Variants in ZSWIM5 observed in about 807,000 individuals in gnomAD.
ZSWIM5 encodes the protein zinc finger SWIM-type containing 5.
ZSWIM5 carries 55 observed loss-of-function variants against 119.6 expected under a neutral mutation model. The observed-to-expected ratio is 0.46, with a 90% CI of 0.37 to 0.58. The LOEUF is 0.58. Among genes scored for constraint, ZSWIM5 ranks in the 20% least tolerant of loss-of-function variants. The pLI, the probability that ZSWIM5 is intolerant of heterozygous loss-of-function variation, is 0.00. For missense variants in ZSWIM5, 1,193 were observed against 1,512.8 expected (o/e 0.79, Z 3.51); for synonymous variants, 537 against 606.9 (o/e 0.88, Z 1.69).
intron 1 of ZSWIM5, among the ~76,000 whole-genome samples, chr1:45,127,442 CTT>C (rs569318285): frequency 7.0e-5 from 10 of 142,554 alleles, no homozygotes; most frequent in African/African-American, 1.0e-4. Flanking sequence ...TCTGCTCTCA[CTT>C]TTTTTTTTTT....
At chr1:45,062,597 C>A (rs1479264479) in intron 2 of ZSWIM5, among the ~76,000 whole-genome samples, 1 of 152,072 alleles carries the variant, frequency 6.6e-6, no homozygotes, top group African/African-American at 2.4e-5. Flanking sequence ...ACCTCCTGCG[C>A]TCAAGTGATC....
chr1:45,058,207 G>C (rs779408737), intron 4 of ZSWIM5, among the ~76,000 whole-genome samples: 2 of 152,096 alleles, frequency 1.3e-5, no homozygotes, highest in African/African-American at 2.4e-5. Flanking sequence ...AGAATAGAAG[G>C]TTAAGTCCAA....
At chr1:45,169,768 C>T (rs1425184118) in intron 1 of ZSWIM5, among the ~76,000 whole-genome samples, 2 of 152,006 alleles carry the variant, frequency 1.3e-5, no homozygotes, top group African/African-American at 4.8e-5. Context: ...AATAAGAAAA[C>T]TTCTATTGTA....
chr1:45,142,414 C>A (rs1645732665), intron 1 of ZSWIM5, among the ~76,000 whole-genome samples: 1 of 152,118 alleles, frequency 6.6e-6, no homozygotes, highest in African/African-American at 2.4e-5. Context: ...TACAGTGGCA[C>A]AATCATGGCT....
At chr1:45,058,514 G>C in intron 4 of ZSWIM5, 95 bp downstream of exon 4, 1 of 1,498,076 alleles carries the variant, frequency 6.7e-7, no homozygotes, top group Non-Finnish European at 9.1e-7. Context: ...GACTTAGCAA[G>C]ATCCATGCAA....
chr1:45,026,522 G>C (rs985984563), intron 11 of ZSWIM5, among the ~76,000 whole-genome samples: 4 of 151,996 alleles, frequency 2.6e-5, no homozygotes, highest in African/African-American at 9.7e-5. Flanking sequence ...GGAATTAACG[G>C]ATTCCATTCA....
rs540104651 is a variant in ZSWIM5, at chr1:45,178,015, G to A, written c.595+27741C>T. 1.3e-4 allele frequency among the ~76,000 whole-genome samples: 19 copies of A among 151,762 alleles called. 1 individual carries two copies. The highest frequency in any genetic ancestry group is 3.4e-3 in the Middle Eastern group (1 of 292). Reference sequence around the variant, plus strand: ...CTCACAAAGTGCTGGGATTACAGGCGTGAACCACTACACCCGGCCTTATGT... The same window carrying A: ...CTCACAAAGTGCTGGGATTACAGGCATGAACCACTACACCCGGCCTTATGT... On this transcript the variant is annotated intron_variant, in intron 1 of 13. Transcript: ENST00000359600.
intron 8 of ZSWIM5, among the ~76,000 whole-genome samples, chr1:45,037,741 T>C (rs1036259548): frequency 2.6e-5 from 4 of 152,214 alleles, no homozygotes; most frequent in African/African-American, 9.6e-5. Flanking sequence ...ACCCCTTATA[T>C]CTCTACCCAG....
chr1:45,066,454 T>C (rs1181881698), intron 2 of ZSWIM5, among the ~76,000 whole-genome samples: 3 of 152,164 alleles, frequency 2.0e-5, no homozygotes, highest in Non-Finnish European at 2.9e-5. Flanking sequence ...CAAAGAAGGC[T>C]TCTCTGAGAA....
rs954285599 is a variant in ZSWIM5 at position 45,144,260 on chromosome 1, G to A, written c.596-56023C>T. 3.9e-5 allele frequency among the ~76,000 whole-genome samples: 6 copies of A among 152,192 alleles called. No homozygotes were observed. In the East Asian group the frequency reaches 1.2e-3, roughly 29 times the overall value. ...TACTATAAAGCAGCCAGGCATGGTG[G>A]TTCAAGCCTGTAATCCCAGCACTTT... is the stretch of plus-strand genomic sequence containing the variant. On this transcript the variant is annotated intron_variant, in intron 1 of 13. Coordinates refer to ENST00000359600, the MANE Select transcript of ZSWIM5 (RefSeq NM_020883.2).
chr1:45,074,315 C>T lies in ZSWIM5; in HGVS notation c.952+13566G>A, dbSNP rs571828054. Among the ~76,000 whole-genome samples, 9 of 151,888 alleles carry T rather than the reference C, an allele frequency of 5.9e-5. No homozygotes were observed. The East Asian group carries it at 1.5e-3, about 26-fold the overall frequency. ...TAGTTTGAATAAGATTGGTATTAAT[C>T]CTTCTTTAAATGTTTGGTAGAATTC... On this transcript the variant is annotated intron_variant, in intron 2 of 13. Transcript: ENST00000359600.
At chr1:45,037,884 T>C (rs1240010931) in intron 8 of ZSWIM5, among the ~76,000 whole-genome samples, 3 of 152,216 alleles carry the variant, frequency 2.0e-5, no homozygotes, top group Non-Finnish European at 4.4e-5. Context: ...GTCAAAGTCT[T>C]GGTTTCTTTT....
rs988851533 is a variant in ZSWIM5, at chr1:45,129,120, T to G, written c.596-40883A>C. ...TTTAGGTCTTCTTTGATTTCTTTCA[T>G]CAGAGTTTTATACTTTTCCTCACAT... is the stretch of plus-strand genomic sequence containing the variant. On this transcript the variant is annotated intron_variant, in intron 1 of 13. Transcript: ENST00000359600. Among the ~76,000 whole-genome samples the G allele has an allele frequency of 2.6e-4, 40 of 151,056 alleles. 1 individual carries two copies. The highest frequency in any genetic ancestry group is 2.3e-3 in the East Asian group (12 of 5,124).
intron 12 of ZSWIM5, 139 bp downstream of exon 12, chr1:45,020,486 C>G (rs767879741): frequency 9.3e-7 from 1 of 1,079,332 alleles, no homozygotes; most frequent in Non-Finnish European, 1.4e-6. Flanking sequence ...CTTGCCTTTT[C>G]CCTAGCCTAG....
intron 2 of ZSWIM5, chr1:45,070,418 C>T: frequency 7.2e-7 from 1 of 1,383,050 alleles, no homozygotes; most frequent in Non-Finnish European, 1.0e-6. Flanking sequence ...GGACATGGTA[C>T]AAAGTCTCCA....
intron 1 of ZSWIM5, among the ~76,000 whole-genome samples, chr1:45,177,508 G>C (rs947532022): frequency 6.6e-6 from 1 of 152,088 alleles, no homozygotes; most frequent in East Asian, 1.9e-4. Flanking sequence ...TTACAGAGGG[G>C]TATGCAAAAT....
chr1:45,096,550 ACACG>A (rs1192081675), intron 1 of ZSWIM5, among the ~76,000 whole-genome samples: 108 of 144,988 alleles, frequency 7.4e-4, no homozygotes, highest in African/African-American at 2.4e-3. Flanking sequence ...ACACACACAC[ACACG>A]CACACACACA....
intron 8 of ZSWIM5, 90 bp from the exon 9 acceptor site, chr1:45,036,389 C>G (rs1335980851): frequency 4.0e-6 from 6 of 1,487,638 alleles, no homozygotes; most frequent in Admixed American, 4.9e-5. Flanking sequence ...GAGTCTTGCT[C>G]TGTTGTCCAG....
At chr1:45,198,523 A>G (rs948468807) in intron 1 of ZSWIM5, among the ~76,000 whole-genome samples, 2 of 152,224 alleles carry the variant, frequency 1.3e-5, no homozygotes, top group African/African-American at 4.8e-5. Context: ...AAGTTAGCCA[A>G]AGCATTAGCA....
Sources: allele counts gnomAD v4.1 joint callset (sites outside exome capture counted in the v4.1 genomes callset), GRCh38; gene constraint gnomAD v4.1.1; transcripts MANE v1.5; gene names NCBI Gene and HGNC (gene_info 2026-07-23, HGNC 2026-07-21).